The following TEX9 variants were observed in gnomAD, a reference collection of about 807,000 sequenced individuals.
TEX9 encodes the protein testis-expressed protein 9.
Under a neutral mutation model 59.6 loss-of-function variants are expected in TEX9, and 74 were observed. The ratio of observed to expected loss-of-function variants is 1.24; its 90% CI spans 1.03 to 1.51. TEX9 has a LOEUF of 1.51. Among genes scored for constraint, TEX9 ranks in the 40% most tolerant of loss-of-function variants. The pLI is 0.00. For synonymous variants in TEX9, 186 were observed against 152.2 expected, an observed-to-expected ratio of 1.22 and a Z score of -1.64; for missense variants, 522 against 447.8, an observed-to-expected ratio of 1.17 and a Z score of -1.49.
the TEX9 span, among the ~76,000 whole-genome samples, chr15:56,457,628 C>T: frequency 2.0e-5 from 3 of 152,066 alleles, no homozygotes; most frequent in Non-Finnish European, 4.4e-5. Flanking sequence ...TTGAGACCAG[C>T]CTGGGCAACA....
At chr15:56,410,396 A>G (rs527491126) in intron 9 of TEX9, among the ~76,000 whole-genome samples, 1 of 151,944 alleles carries the variant, frequency 6.6e-6, no homozygotes, top group Non-Finnish European at 1.5e-5. Flanking sequence ...ATCATGAGAG[A>G]GTGGTACATC....
At chr15:56,252,097 A>G (rs1051210226) in intron 1 of TEX9, among the ~76,000 whole-genome samples, 1 of 152,010 alleles carries the variant, frequency 6.6e-6, no homozygotes, top group Non-Finnish European at 1.5e-5. Flanking sequence ...TCCCTTATCC[A>G]TTCCCTACCC....
At chr15:56,314,780 A>C (rs1267089085) in intron 1 of TEX9, among the ~76,000 whole-genome samples, 1 of 151,680 alleles carries the variant, frequency 6.6e-6, no homozygotes, top group Non-Finnish European at 1.5e-5. Context: ...ATTGTGTGGG[A>C]GTCTAAGTCT....
intron 1 of TEX9, among the ~76,000 whole-genome samples, chr15:56,272,019 C>G (rs373115022): frequency 6.6e-6 from 1 of 151,838 alleles, no homozygotes; most frequent in Non-Finnish European, 1.5e-5. Context: ...GGGTGGGCAC[C>G]GGTAGTCGCA....
chr15:56,274,161 G>A (rs1347819448), intron 1 of TEX9, among the ~76,000 whole-genome samples: 1 of 152,082 alleles, frequency 6.6e-6, no homozygotes, highest in East Asian at 1.9e-4. Context: ...GGTGCTCTGA[G>A]CCGTTTTTAT....
intron 10 of TEX9, among the ~76,000 whole-genome samples, chr15:56,412,862 G>C (rs1358020961): frequency 1.3e-5 from 2 of 152,074 alleles, no homozygotes; most frequent in African/African-American, 4.8e-5. Context: ...GAATCTCTGG[G>C]AGGGCTTGTT....
intron 12 of TEX9, among the ~76,000 whole-genome samples, chr15:56,436,522 C>T (rs556007608): frequency 7.9e-5 from 12 of 152,248 alleles, no homozygotes; most frequent in Admixed American, 5.2e-4. Context: ...CTAAAATTGA[C>T]ACCCTAACAT....
chr15:56,450,720 A>G (rs142089931), downstream of TEX9, among the ~76,000 whole-genome samples: 102 of 152,284 alleles, frequency 6.7e-4, no homozygotes, highest in African/African-American at 2.3e-3. Flanking sequence ...AAGTTTGTAT[A>G]CAAGTATCCA....
intron 12 of TEX9, among the ~76,000 whole-genome samples, chr15:56,440,811 G>T (rs1490186400): frequency 1.3e-5 from 2 of 152,122 alleles, no homozygotes; most frequent in African/African-American, 4.8e-5. Context: ...AGCATGATCA[G>T]TCTGTCATTC....
chr15:56,324,822 C>T (rs992707671), intron 1 of TEX9, among the ~76,000 whole-genome samples: 1 of 152,130 alleles, frequency 6.6e-6, no homozygotes, highest in African/African-American at 2.4e-5. Context: ...TTTAAAAGGT[C>T]AGAAAAGTGG....
chr15:56,431,819 A>G (rs2050604959), intron 12 of TEX9, among the ~76,000 whole-genome samples: 1 of 152,012 alleles, frequency 6.6e-6, no homozygotes, highest in Non-Finnish European at 1.5e-5. Context: ...AATGCTTACC[A>G]TATACCAGAT....
the TEX9 span, among the ~76,000 whole-genome samples, chr15:56,460,009 A>AAAAAAAAAAAAAATAT: frequency 1.7e-3 from 45 of 26,380 alleles, 6 homozygotes; most frequent in East Asian, 8.0e-3. Flanking sequence ...AAAAAAAAAA[A>AAAAAAAAAAAAAATAT]ATACATATAT....
chr15:56,382,262 C>A (rs1463996328), intron 3 of TEX9, among the ~76,000 whole-genome samples: 1 of 152,108 alleles, frequency 6.6e-6, no homozygotes, highest in African/African-American at 2.4e-5. Context: ...AGGGAGTGGG[C>A]TCCCCTCTGG....
intron 10 of TEX9, among the ~76,000 whole-genome samples, 173 bp from the exon 11 acceptor site, chr15:56,427,432 A>ACTAAAAGCTATCAAATTCC (rs2050351971): frequency 6.6e-6 from 1 of 152,192 alleles, no homozygotes; most frequent in Non-Finnish European, 1.5e-5. Context: ...CCTGAGCATG[A>ACTAAAAGCTATCAAATTCC]CTAAAAGCTA....
chr15:56,316,090 G>A (rs1241123943), intron 1 of TEX9, among the ~76,000 whole-genome samples: 1 of 147,542 alleles, frequency 6.8e-6, no homozygotes, highest in Non-Finnish European at 1.5e-5. Flanking sequence ...TTTGCCTTTG[G>A]TTTGAATATC....
At chr15:56,456,596 A>G in the TEX9 span, 1 of 1,493,296 alleles carries the variant, frequency 6.7e-7, no homozygotes, top group East Asian at 2.3e-5. Flanking sequence ...TTTGTTTTAT[A>G]ACAGAAAACT....
chr15:56,338,615 A>C (rs538585882), intron 1 of TEX9, among the ~76,000 whole-genome samples: 1 of 152,310 alleles, frequency 6.6e-6, no homozygotes, highest in East Asian at 1.9e-4. Context: ...GCCCCAGACC[A>C]CTGGACTGTT....
chr15:56,344,173 T>A (rs1176855317), intron 1 of TEX9, among the ~76,000 whole-genome samples: 1 of 152,150 alleles, frequency 6.6e-6, no homozygotes, highest in African/African-American at 2.4e-5. Context: ...TAGGTATATA[T>A]CCAAGAGAAC....
At chr15:56,325,512 C>T (rs575413344) in intron 1 of TEX9, among the ~76,000 whole-genome samples, 1 of 152,258 alleles carries the variant, frequency 6.6e-6, no homozygotes, top group East Asian at 1.9e-4. Context: ...TCTATGATAC[C>T]ATATTTTTAA....
Sources: allele counts gnomAD v4.1 joint callset (sites outside exome capture counted in the v4.1 genomes callset), GRCh38; gene constraint gnomAD v4.1.1; transcripts MANE v1.5; gene names NCBI Gene and HGNC (gene_info 2026-07-23, HGNC 2026-07-21).